Variants in STKLD1 observed in about 807,000 individuals in gnomAD.
STKLD1 encodes the protein serine/threonine kinase-like domain-containing protein STKLD1.
In STKLD1, 79 loss-of-function variants were observed where a neutral mutation model predicts 80.4. The observed-to-expected ratio is 0.98, with a 90% CI of 0.82 to 1.19. The LOEUF (loss-of-function observed/expected upper bound fraction) is 1.19. Ranked by LOEUF, STKLD1 falls within the 50% of genes most tolerant of loss-of-function variation. The probability of loss-of-function intolerance (pLI) is 0.00; values close to 1 mark genes in which losing one functional copy is unlikely to be tolerated. For synonymous variants in STKLD1, 393 were observed against 357.6 expected, an observed-to-expected ratio of 1.10 and a Z score of -1.12; for missense variants, 841 against 856.0, an observed-to-expected ratio of 0.98 and a Z score of 0.22.
At position 133,390,131 on chromosome 9, in the gene STKLD1, G is replaced by A. The variant is rs1838352150; in HGVS notation, c.467+535G>A. On this transcript the variant is annotated intron_variant, in intron 6 of 17. Transcript: ENST00000371957. This position sits in a 1 kb window ranked among gnomAD's most constrained non-coding sequence, Gnocchi z 5.1. ...ATGGGAGGATTGCTTGAAGCCAGGA[G>A]CTTGAGGCTGCAGTGAGCTATGATC... is the stretch of plus-strand genomic sequence containing the variant. Among the ~76,000 whole-genome samples the A allele has an allele frequency of 6.6e-6, 1 of 151,808 alleles. No homozygotes were observed. The highest frequency in any genetic ancestry group is 6.6e-5 in the Admixed American group (1 of 15,234).
chr9:133,385,941 A>G lies in STKLD1; in HGVS notation c.294+250A>G, dbSNP rs2130276162. ...AGGAGAGTTTTTTTTTTTTTTGGAC[A>G]AAGTCTCGCTCTTGTCCCCCAGGCT... On this transcript the variant is annotated intron_variant, in intron 4 of 17. Coordinates refer to ENST00000371957, the MANE Select transcript of STKLD1 (RefSeq NM_153710.5). The surrounding 1 kb of genome is among the most constrained non-coding windows in gnomAD (Gnocchi z 4.9). Among the ~76,000 whole-genome samples the G allele has an allele frequency of 6.7e-6, 1 of 150,298 alleles. No individual in the cohort carries two copies. Among genetic ancestry groups the G allele is most frequent in the Non-Finnish European group, 1.5e-5 (1 of 67,594 alleles).
At chr9:133,393,336 G>T (rs1554776153) in intron 7 of STKLD1, among the ~76,000 whole-genome samples, 2 of 130,224 alleles carry the variant, frequency 1.5e-5, no homozygotes, top group Admixed American at 7.6e-5. Flanking sequence ...GGATGGATAG[G>T]TGGGTGGGTG....
At chr9:133,397,113 G>C in intron 9 of STKLD1, 51 bp from the exon 10 acceptor site, 1 of 1,609,496 alleles carries the variant, frequency 6.2e-7, no homozygotes, top group South Asian at 1.1e-5. Context: ...CCCACGGGGA[G>C]GTGGCAGGGG....
chr9:133,403,417 C>T (rs587607485), intron 14 of STKLD1, among the ~76,000 whole-genome samples: 2 of 152,310 alleles, frequency 1.3e-5, no homozygotes, highest in South Asian at 4.1e-4. Context: ...GCTGCTTCCT[C>T]TCCTCTAGAC....
Position 133,389,586 on chromosome 9 carries a change from A to G in STKLD1, c.457A>G (p.Ile153Val). Residue 153 changes from isoleucine to valine, a missense_variant, in exon 6 of 18, where the codon ATC becomes GTC. By Grantham distance (29) the Ile-to-Val change is conservative. Transcript: ENST00000371957. The surrounding 1 kb of genome is among the most constrained non-coding windows in gnomAD (Gnocchi z 6.4). ...DALEYLHHLD[I>V]IHRNLKPSNI... ...GCTGGAATACCTGCACCATTTGGACATCATCCACAGGTAAGTGGGGCCCCT... is the reference window on the plus strand; with the variant it reads ...GCTGGAATACCTGCACCATTTGGACGTCATCCACAGGTAAGTGGGGCCCCT... 2 of 1,613,438 alleles carry G rather than the reference A, an allele frequency of 1.2e-6. No homozygotes were observed. The highest frequency in any genetic ancestry group is 1.7e-6 in the Non-Finnish European group (2 of 1,179,902).
intron 5 of STKLD1, chr9:133,388,978 C>T: frequency 1.0e-6 from 1 of 985,440 alleles, no homozygotes; most frequent in South Asian, 4.7e-5. Context: ...CCACATCCTG[C>T]CCCCTCAGCC....
chr9:133,401,088 T>C (rs1554777523), intron 12 of STKLD1, among the ~76,000 whole-genome samples: 1 of 151,980 alleles, frequency 6.6e-6, no homozygotes, highest in East Asian at 1.9e-4. Flanking sequence ...CATGGGTTGT[T>C]AAAAGAGTTG....
chr9:133,387,648 A>G, intron 5 of STKLD1, 100 bp downstream of exon 5: 3 of 900,180 alleles, frequency 3.3e-6, no homozygotes, highest in Non-Finnish European at 5.6e-6. Flanking sequence ...GGCACCATGG[A>G]GTCCAGCCTT....
rs1398643087 is a variant in STKLD1 at position 133,384,742 on chromosome 9, T to C, written c.219+842T>C. The C allele has an allele frequency of 1.3e-5, 2 of 152,030 alleles. No homozygotes were observed. Among genetic ancestry groups the C allele is most frequent in the Admixed American group, 1.3e-4 (2 of 15,258 alleles). 9.4% of individuals were successfully genotyped at this position (152,030 alleles called of 1,614,324 possible). ...ACTGTTTAACAAAACAAATATAAAT[T>C]ACCCTTAATTCTACCATTGAGAGCT... On this transcript the variant is annotated intron_variant, in intron 3 of 17. Coordinates refer to ENST00000371957, the MANE Select transcript of STKLD1 (RefSeq NM_153710.5). This position sits in a 1 kb window ranked among gnomAD's most constrained non-coding sequence, Gnocchi z 4.3.
rs371507004 is a variant in STKLD1, at chr9:133,393,525, GTGTATGGA to G, written c.584-763_584-756del. Among the ~76,000 whole-genome samples the G allele has an allele frequency of 1.1e-3, 163 of 149,920 alleles. 1 individual carries two copies. Among genetic ancestry groups the G allele is most frequent in the African/African-American group, 3.9e-3 (160 of 40,650 alleles). On this transcript the variant is annotated intron_variant, in intron 7 of 17. Coordinates refer to ENST00000371957, the MANE Select transcript of STKLD1 (RefSeq NM_153710.5). ...TGTGGATGGATGTGTGGGTGGGTAG[GTGTATGGA>G]TGAATGGATGGATGGGTGAGTGTGT...
chr9:133,401,653 A>G (rs782364806), intron 12 of STKLD1, 85 bp from the exon 13 acceptor site: 165 of 1,470,538 alleles, frequency 1.1e-4, no homozygotes, highest in Non-Finnish European at 1.3e-4. Flanking sequence ...TGGAGATGCT[A>G]TCCCCCAGCC....
chr9:133,376,446 G>C lies in STKLD1; in HGVS notation c.-28G>C. On this transcript the variant is annotated 5_prime_UTR_variant, in exon 1 of 18. Transcript: ENST00000371957. ...ACGCGGGGTGGGGCCAGGGGTGGACGCTCGCCCGTACGCGGTCGCTACTGA... is the reference window on the plus strand; with the variant it reads ...ACGCGGGGTGGGGCCAGGGGTGGACCCTCGCCCGTACGCGGTCGCTACTGA... 1.7e-5 allele frequency: 27 copies of C among 1,551,020 alleles called. No homozygotes were observed. Among genetic ancestry groups the C allele is most frequent in the Non-Finnish European group, 2.3e-5 (27 of 1,150,596 alleles).
intron 5 of STKLD1, chr9:133,388,810 C>T (rs2130282914): frequency 6.8e-5 from 67 of 985,306 alleles, no homozygotes; most frequent in Non-Finnish European, 7.7e-5. Context: ...CCCTGAGGGG[C>T]TCTTCGGGGC....
At chr9:133,402,820 G>A in intron 13 of STKLD1, 58 bp from the exon 14 acceptor site, 6 of 1,558,624 alleles carry the variant, frequency 3.8e-6, no homozygotes, top group Non-Finnish European at 5.2e-6. Flanking sequence ...GGACAACAGA[G>A]GCAGGAAGGC....
At chr9:133,399,902 G>A (rs940831147) in intron 11 of STKLD1, among the ~76,000 whole-genome samples, 6 of 151,636 alleles carry the variant, frequency 4.0e-5, no homozygotes, top group Middle Eastern at 3.4e-3. Flanking sequence ...AAAGAGGGGG[G>A]GGTCTTGCTT....
At chr9:133,395,494 C>G in intron 8 of STKLD1, 106 bp from the exon 9 acceptor site, 1 of 1,293,226 alleles carries the variant, frequency 7.7e-7, no homozygotes, top group South Asian at 1.5e-5. Context: ...CTGGCTCTCC[C>G]TGGTCTCCTC....
chr9:133,391,879 G>C (rs1407881311), intron 7 of STKLD1, among the ~76,000 whole-genome samples: 2 of 151,888 alleles, frequency 1.3e-5, no homozygotes, highest in African/African-American at 4.8e-5. Context: ...CAGGACGGAG[G>C]GTCTGTGGGT....
At chr9:133,401,427 C>G (rs782295949) in intron 12 of STKLD1, among the ~76,000 whole-genome samples, 2 of 152,244 alleles carry the variant, frequency 1.3e-5, no homozygotes, top group Middle Eastern at 3.4e-3. Flanking sequence ...TGAGCCACCG[C>G]GCGCGGCCAC....
At chr9:133,395,172 G>C (rs184547099) in intron 8 of STKLD1, among the ~76,000 whole-genome samples, 28 of 152,292 alleles carry the variant, frequency 1.8e-4, no homozygotes, top group Non-Finnish European at 3.5e-4. Flanking sequence ...CTCCACCTCT[G>C]AGAAGCACCT....
Sources: allele counts gnomAD v4.1 joint callset (sites outside exome capture counted in the v4.1 genomes callset), GRCh38; gene constraint gnomAD v4.1.1; non-coding constraint Gnocchi (gnomAD v3.1); transcripts MANE v1.5; gene names NCBI Gene and HGNC (gene_info 2026-07-23, HGNC 2026-07-21).